The following HS6ST3 variants were observed in gnomAD, a reference collection of about 807,000 sequenced individuals.
HS6ST3 encodes heparan sulfate 6-O-sulfotransferase 3.
In HS6ST3, 12 loss-of-function variants were observed where a neutral mutation model predicts 36.7. The ratio of observed to expected loss-of-function variants is 0.33; its 90% confidence interval spans 0.21 to 0.53. The LOEUF (loss-of-function observed/expected upper bound fraction) is 0.53. HS6ST3 is among the 20% of genes least tolerant of loss of function. HS6ST3 has a pLI of 0.95. For synonymous variants in HS6ST3, 240 were observed against 257.5 expected (o/e 0.93, Z 0.65); for missense variants, 584 against 640.9 (o/e 0.91, Z 0.96).
intron 1 of HS6ST3, among the ~76,000 whole-genome samples, chr13:96,804,006 A>G (rs1018478668): frequency 1.3e-5 from 2 of 152,118 alleles, no homozygotes; most frequent in African/African-American, 4.8e-5. Flanking sequence ...TTTCGGTCCC[A>G]TCTCTCCTTC....
At chr13:96,280,966 C>A (rs2054772743) in intron 1 of HS6ST3, among the ~76,000 whole-genome samples, 1 of 152,078 alleles carries the variant, frequency 6.6e-6, no homozygotes, top group Admixed American at 6.6e-5. Context: ...CTCTTAAGGG[C>A]AGCTCTTTTT....
intron 1 of HS6ST3, among the ~76,000 whole-genome samples, chr13:96,415,493 T>A (rs1205464642): frequency 6.6e-6 from 1 of 152,234 alleles, no homozygotes; most frequent in Non-Finnish European, 1.5e-5. Context: ...ACACACCATT[T>A]TGAACGCTGT....
chr13:96,259,222 C>T (rs1263030003), intron 1 of HS6ST3, among the ~76,000 whole-genome samples: 1 of 151,824 alleles, frequency 6.6e-6, no homozygotes, highest in Non-Finnish European at 1.5e-5. Flanking sequence ...GCTGGAGGAC[C>T]CGGGGTGAAA....
chr13:96,245,723 G>T (rs2054581958), intron 1 of HS6ST3, among the ~76,000 whole-genome samples: 1 of 152,146 alleles, frequency 6.6e-6, no homozygotes, highest in Non-Finnish European at 1.5e-5. Flanking sequence ...CTCTTGGTAG[G>T]AATGGAAAAC....
At chr13:96,191,841 G>T (rs981260927) in intron 1 of HS6ST3, among the ~76,000 whole-genome samples, 4 of 152,188 alleles carry the variant, frequency 2.6e-5, no homozygotes, top group Non-Finnish European at 4.4e-5. Context: ...AATAAAATAT[G>T]CTGTATAAAA....
At chr13:96,455,701 T>G (rs1157895189) in intron 1 of HS6ST3, among the ~76,000 whole-genome samples, 1 of 152,258 alleles carries the variant, frequency 6.6e-6, no homozygotes, top group Non-Finnish European at 1.5e-5. Context: ...TTTAGTACTT[T>G]GAGTACAGTT....
intron 1 of HS6ST3, among the ~76,000 whole-genome samples, chr13:96,688,931 C>T (rs544717835): frequency 6.6e-6 from 1 of 152,110 alleles, no homozygotes; most frequent in South Asian, 2.1e-4. Context: ...ATCCTGTCCT[C>T]CCAGAGGTCT....
intron 1 of HS6ST3, among the ~76,000 whole-genome samples, chr13:96,420,874 G>A (rs887124377): frequency 3.9e-5 from 6 of 152,196 alleles, no homozygotes; most frequent in Admixed American, 2.0e-4. Flanking sequence ...CTGAGTTCAC[G>A]TGGTTAGTGA....
At chr13:96,692,757 G>C (rs1461706735) in intron 1 of HS6ST3, among the ~76,000 whole-genome samples, 1 of 151,898 alleles carries the variant, frequency 6.6e-6, no homozygotes, top group East Asian at 1.9e-4. Context: ...GTATATTTTT[G>C]CATCCACTTA....
chr13:96,483,665 C>T (rs1303992953), intron 1 of HS6ST3, among the ~76,000 whole-genome samples: 3 of 152,126 alleles, frequency 2.0e-5, no homozygotes, highest in South Asian at 2.1e-4. Flanking sequence ...TATTACTGGG[C>T]ATCTTTGTGA....
intron 1 of HS6ST3, among the ~76,000 whole-genome samples, chr13:96,362,132 C>G (rs552868688): frequency 3.6e-4 from 55 of 152,226 alleles, no homozygotes; most frequent in African/African-American, 1.3e-3. Flanking sequence ...TAGCTAAAAA[C>G]AAAGAAATTG....
In HS6ST3 at chr13:96,333,670, A is replaced by G. The variant is rs115890540; in HGVS notation, c.707+242101A>G. On this transcript the variant is annotated intron_variant, in intron 1 of 1. Transcript: ENST00000376705. The stretch of plus-strand genomic sequence containing the variant: ...GGGTAGAAGAATGCAGTAAAGCATT[A>G]TAAACAAATTCTGTAAGATGTGGAT... Among the ~76,000 whole-genome samples, 558 of 152,336 alleles carry G rather than the reference A, an allele frequency of 3.7e-3. 8 individuals carry two copies. The highest frequency in any genetic ancestry group is 0.013 in the African/African-American group (530 of 41,586).
At chr13:96,469,899 A>G (rs2055832715) in intron 1 of HS6ST3, among the ~76,000 whole-genome samples, 1 of 152,224 alleles carries the variant, frequency 6.6e-6, no homozygotes, top group African/African-American at 2.4e-5. Context: ...ATTTTACAAC[A>G]GATAGCATTC....
intron 1 of HS6ST3, among the ~76,000 whole-genome samples, chr13:96,139,029 G>A: frequency 6.6e-6 from 1 of 152,014 alleles, no homozygotes; most frequent in East Asian, 1.9e-4. Context: ...AGTAAAGCAA[G>A]CCTTGAATTA....
intron 1 of HS6ST3, among the ~76,000 whole-genome samples, chr13:96,241,005 AG>A (rs1303116183): frequency 9.2e-5 from 14 of 152,340 alleles, no homozygotes; most frequent in Admixed American, 9.1e-4. Flanking sequence ...TGGCATATGA[AG>A]GGCGGACCTG....
intron 1 of HS6ST3, among the ~76,000 whole-genome samples, chr13:96,742,802 A>G (rs1160451578): frequency 6.6e-6 from 1 of 152,130 alleles, no homozygotes; most frequent in East Asian, 1.9e-4. Flanking sequence ...GACACATTTT[A>G]TATGAAACAA....
chr13:96,258,867 G>T (rs1266418474), intron 1 of HS6ST3, among the ~76,000 whole-genome samples: 1 of 152,098 alleles, frequency 6.6e-6, no homozygotes, highest in Admixed American at 6.5e-5. Flanking sequence ...CCTATAGGTG[G>T]TTATAGATTA....
chr13:96,779,994 G>A (rs1877485369), intron 1 of HS6ST3, among the ~76,000 whole-genome samples: 1 of 152,124 alleles, frequency 6.6e-6, no homozygotes, highest in South Asian at 2.1e-4. Flanking sequence ...TGTGAGTAGA[G>A]CAAAGAACTA....
intron 1 of HS6ST3, among the ~76,000 whole-genome samples, chr13:96,108,796 G>C (rs886145654): frequency 6.6e-6 from 1 of 152,226 alleles, no homozygotes; most frequent in African/African-American, 2.4e-5. Flanking sequence ...GCCACAGGAA[G>C]TTAAAGAAAG....
Sources: gnomAD v4.1 joint callset for allele counts (sites outside exome capture counted in the v4.1 genomes callset) on GRCh38, gnomAD v4.1.1 for gene constraint, MANE v1.5 for transcripts, NCBI Gene and HGNC (gene_info 2026-07-23, HGNC 2026-07-21) for gene names.